Variants in SLC25A14 observed in about 807,000 individuals in gnomAD.
The protein encoded by SLC25A14 is brain mitochondrial carrier protein 1.
SLC25A14 carries 8 observed loss-of-function variants against 28.1 expected under a neutral mutation model. The observed-to-expected ratio is 0.28, with a 90% confidence interval of 0.17 to 0.51. The LOEUF (loss-of-function observed/expected upper bound fraction) is 0.51. SLC25A14 is among the 20% of genes least tolerant of loss of function. SLC25A14 has a pLI of 0.97. For missense variants in SLC25A14, 135 were observed against 263.8 expected (o/e 0.51, Z 3.38); for synonymous variants, 74 against 90.6 (o/e 0.82, Z 1.04).
At chrX:130,346,449 G>A in intron 3 of SLC25A14, 95 bp from the exon 4 acceptor site, 1 of 728,894 alleles carries the variant, frequency 1.4e-6, no homozygotes, top group East Asian at 3.2e-5. Flanking sequence ...AAAGGACTTT[G>A]TCTTAGGATT....
intron 4 of SLC25A14, among the ~76,000 whole-genome samples, chrX:130,347,710 ATGATGTATAATTCTTT>A (rs2033485386): frequency 8.9e-6 from 1 of 111,787 alleles, no homozygotes; most frequent in Admixed American, 9.5e-5. Flanking sequence ...TAGGTGAGCA[ATGATGTATAATTCTTT>A]TTATACATTG....
chrX:130,358,624 C>G lies in SLC25A14; in HGVS notation c.499-16C>G, dbSNP rs1290003475. 1 of 1,124,286 alleles carries G rather than the reference C, an allele frequency of 8.9e-7. No individual in the cohort carries two copies. Among genetic ancestry groups the G allele is most frequent in the South Asian group, 1.9e-5 (1 of 53,226 alleles). 92.7% of individuals were successfully genotyped at this position (1,124,286 alleles called of 1,213,427 possible). ...TCTCTCTGACAAAATAAGATGTTCACCTCTTTTCATTTTAGATTCGAATGC... is the reference window on the plus strand; with the variant it reads ...TCTCTCTGACAAAATAAGATGTTCAGCTCTTTTCATTTTAGATTCGAATGC... On this transcript the variant is annotated splice_polypyrimidine_tract_variant and intron_variant, in intron 6 of 10. Transcript: ENST00000545805.
At chrX:130,370,148 G>T (rs1445727410) in intron 9 of SLC25A14, among the ~76,000 whole-genome samples, 1 of 111,622 alleles carries the variant, frequency 9.0e-6, no homozygotes. Context: ...ACTATTTGCT[G>T]AAGATCCATT....
intron 9 of SLC25A14, 38 bp downstream of exon 9, chrX:130,365,714 C>T: frequency 1.9e-6 from 2 of 1,026,651 alleles, no homozygotes; most frequent in Non-Finnish European, 2.7e-6. Context: ...ATTTGGCTTT[C>T]TTTGATGTCT....
At chrX:130,358,928 G>A in intron 7 of SLC25A14, 193 bp downstream of exon 7, 2 of 761,775 alleles carry the variant, frequency 2.6e-6, no homozygotes, top group South Asian at 4.6e-5. Context: ...GATTATATAG[G>A]TGGGGAAAGT....
chrX:130,340,058 C>G, intron 1 of SLC25A14, 49 bp from the exon 2 acceptor site: 1 of 1,022,765 alleles, frequency 9.8e-7, no homozygotes, highest in Non-Finnish European at 1.2e-6. Flanking sequence ...TGGCCTGGTT[C>G]CCGGCCTGGG....
At chrX:130,352,775 C>T (rs1238297889) in intron 6 of SLC25A14, among the ~76,000 whole-genome samples, 2 of 111,836 alleles carry the variant, frequency 1.8e-5, no homozygotes, top group East Asian at 5.6e-4. Flanking sequence ...TTGGTTTTTG[C>T]TTGTTGAATT....
At chrX:130,348,026 G>A (rs1384757100) in intron 4 of SLC25A14, among the ~76,000 whole-genome samples, 2 of 111,568 alleles carry the variant, frequency 1.8e-5, no homozygotes, top group Admixed American at 9.5e-5. Context: ...GGTTATCATA[G>A]TTTGGGGTGC....
rs2033189443 is a variant in SLC25A14, at chrX:130,339,956, T to G, written c.-193T>G. ...GACTGTGGGAGCCTCAGCTTCCCAG[T>G]CGTCCGATGAGCCCGAGCAGGTGAG... On this transcript the variant is annotated 5_prime_UTR_variant, in exon 1 of 11. Coordinates refer to ENST00000545805, the MANE Select transcript of SLC25A14 (RefSeq NM_001282195.2). 4.7e-6 allele frequency: 4 copies of G among 854,579 alleles called. No individual in the cohort carries two copies. Among genetic ancestry groups the G allele is most frequent in the Non-Finnish European group, 5.7e-6 (4 of 704,617 alleles). The allele number at this position is 854,579 out of a possible 1,213,427, so 70.4% of individuals were successfully genotyped here.
chrX:130,346,364 A>T (rs976034947), intron 3 of SLC25A14, among the ~76,000 whole-genome samples, 180 bp from the exon 4 acceptor site: 7 of 112,031 alleles, frequency 6.2e-5, no homozygotes, highest in Admixed American at 5.7e-4. Flanking sequence ...GTATAGTATA[A>T]TGCATTTCAC....
chrX:130,364,927 A>G, intron 8 of SLC25A14, 175 bp downstream of exon 8: 1 of 1,000,689 alleles, frequency 1.0e-6, no homozygotes, highest in Non-Finnish European at 1.3e-6. Context: ...CAGAAATGCC[A>G]GGTGCTATGG....
Position 130,340,297 on chromosome X carries a change from A to G in SLC25A14, c.19A>G (p.Ile7Val), listed in dbSNP as rs770230560. The change falls in exon 2 of 11, where the codon ATA (isoleucine) becomes GTA (valine). Residue 7 changes from isoleucine to valine, a missense_variant. By Grantham distance (29) the Ile-to-Val change is conservative. Coordinates refer to ENST00000545805, the MANE Select transcript of SLC25A14 (RefSeq NM_001282195.2). MGIFPG[I>V]ILIFLRVKFA... is the part of the protein sequence containing the mutation. ...AGGGTGAATGGGTATCTTTCCCGGA[A>G]TAATCCTAATTTTTCTAAGGGTGAA... 66 of 1,209,319 alleles carry G rather than the reference A, an allele frequency of 5.5e-5. No homozygotes were observed. Among genetic ancestry groups the G allele is most frequent in the Non-Finnish European group, 7.2e-5 (64 of 894,502 alleles).
At chrX:130,372,411 C>T (rs1306545572) in intron 10 of SLC25A14, among the ~76,000 whole-genome samples, 1 of 110,921 alleles carries the variant, frequency 9.0e-6, no homozygotes, top group African/African-American at 3.3e-5. Flanking sequence ...ACATGGTAGG[C>T]ACTCAATGCA....
intron 10 of SLC25A14, among the ~76,000 whole-genome samples, chrX:130,371,849 A>G (rs578095725): frequency 3.6e-5 from 4 of 112,123 alleles, no homozygotes; most frequent in East Asian, 2.8e-4. Flanking sequence ...GATATGTCAA[A>G]CTTTACTCTT....
At chrX:130,345,125 G>A in intron 2 of SLC25A14, 57 bp from the exon 3 acceptor site, 1 of 809,568 alleles carries the variant, frequency 1.2e-6, no homozygotes, top group Non-Finnish European at 1.9e-6. Context: ...TATATGATCA[G>A]ATGCTAACAA....
intron 2 of SLC25A14, among the ~76,000 whole-genome samples, chrX:130,344,297 C>G (rs2033356993): frequency 9.0e-6 from 1 of 111,469 alleles, no homozygotes; most frequent in Non-Finnish European, 1.9e-5. Context: ...GATTCTAATA[C>G]ATGCTAAAAT....
intron 6 of SLC25A14, among the ~76,000 whole-genome samples, chrX:130,352,607 C>T (rs1023298429): frequency 1.2e-4 from 13 of 111,942 alleles, no homozygotes; most frequent in African/African-American, 3.2e-4. Flanking sequence ...TAATAATAAC[C>T]ATTCTGACTG....
At chrX:130,355,044 A>C (rs2033748322) in intron 6 of SLC25A14, among the ~76,000 whole-genome samples, 1 of 112,610 alleles carries the variant, frequency 8.9e-6, no homozygotes, top group African/African-American at 3.2e-5. Flanking sequence ...GGATACTTCA[A>C]ACCAAATGAT....
Position 130,351,045 on chromosome X carries a change from G to A in SLC25A14, c.498+314G>A, listed in dbSNP as rs145243085. On this transcript the variant is annotated intron_variant, in intron 6 of 10. Coordinates refer to ENST00000545805, the MANE Select transcript of SLC25A14 (RefSeq NM_001282195.2). The stretch of plus-strand genomic sequence containing the variant: ...CACTGGGGTATGCAAGACCCTATAG[G>A]TTCTTTCCAAGGGCTATGCAGTTTT... Among the ~76,000 whole-genome samples, 277 of 111,362 alleles carry A rather than the reference G, an allele frequency of 2.5e-3. 3 individuals carry two copies. Among genetic ancestry groups the A allele is most frequent in the African/African-American group, 8.2e-3 (253 of 30,739 alleles).
Sources: allele counts gnomAD v4.1 joint callset (sites outside exome capture counted in the v4.1 genomes callset), GRCh38; gene constraint gnomAD v4.1.1; transcripts MANE v1.5; gene names NCBI Gene and HGNC (gene_info 2026-07-23, HGNC 2026-07-21).